Variants in PPM1A observed in about 807,000 individuals in gnomAD.
PPM1A encodes protein phosphatase 1A.
A neutral mutation model predicts 35.0 loss-of-function variants in PPM1A; 7 were observed. That is an observed-to-expected ratio of 0.20 (90% CI 0.11 to 0.38). The LOEUF is 0.38. PPM1A is among the 10% of genes least tolerant of loss of function. The pLI is 1.00. For synonymous variants in PPM1A, 153 were observed against 167.3 expected (o/e 0.91, Z 0.66); for missense variants, 239 against 467.8 (o/e 0.51, Z 4.51).
chr14:60,246,766 T>C (rs1881809671), upstream of PPM1A, among the ~76,000 whole-genome samples: 1 of 152,244 alleles, frequency 6.6e-6, no homozygotes, highest in South Asian at 2.1e-4. Context: ...ATGAGTTTCC[T>C]AGTTCATACC....
At chr14:60,255,953 C>T (rs1200567310) in intron 1 of PPM1A, among the ~76,000 whole-genome samples, 2 of 151,960 alleles carry the variant, frequency 1.3e-5, no homozygotes, top group Non-Finnish European at 2.9e-5. Flanking sequence ...GTCCTTTTAA[C>T]CAGAGAGGAA....
At chr14:60,286,796 C>T (rs753477328) in intron 3 of PPM1A, 107 of 981,168 alleles carry the variant, frequency 1.1e-4, no homozygotes, top group Non-Finnish European at 1.2e-4. Flanking sequence ...TATTGCTGTC[C>T]GCCACTTGAT....
chr14:60,247,916 A>G (rs978751648), upstream of PPM1A, among the ~76,000 whole-genome samples: 6 of 152,216 alleles, frequency 3.9e-5, no homozygotes, highest in Admixed American at 3.3e-4. Context: ...CAATTTGGCC[A>G]GTAAAAGAAC....
Position 60,296,735 on chromosome 14 carries a change from A to G in PPM1A, c.*4253A>G. The G allele has an allele frequency of 5.7e-6, 2 of 349,290 alleles. No homozygotes were observed. Among genetic ancestry groups the G allele is most frequent in the African/African-American group, 4.2e-5 (2 of 47,812 alleles). 21.6% of individuals were successfully genotyped at this position (349,290 alleles called of 1,614,324 possible). A position where few individuals can be genotyped will look rare whatever the true frequency, so the allele number is the denominator to read the frequency against. On this transcript the variant is annotated 3_prime_UTR_variant, in exon 6 of 6. Transcript: ENST00000395076. The surrounding 1 kb of genome is among the most constrained non-coding windows in gnomAD (Gnocchi z 4.4). ...ACATTTTCAAAATGTATAATACTGT[A>G]TTGTTTTGTTGATCAGAATAATAAG...
At chr14:60,271,973 C>T (rs925977036) in intron 1 of PPM1A, among the ~76,000 whole-genome samples, 3 of 151,476 alleles carry the variant, frequency 2.0e-5, no homozygotes, top group African/African-American at 4.9e-5. Flanking sequence ...AGCCAAAGGA[C>T]TTGTCCAGTA....
At chr14:60,284,718 TATAC>T (rs1378611927) in intron 2 of PPM1A, among the ~76,000 whole-genome samples, 1 of 143,420 alleles carries the variant, frequency 7.0e-6, no homozygotes, top group Non-Finnish European at 1.5e-5. Flanking sequence ...TATATATATA[TATAC>T]ATATATATAT....
intron 4 of PPM1A, 60 bp from the exon 5 acceptor site, chr14:60,291,337 A>G (rs1215885607): frequency 9.4e-6 from 11 of 1,174,668 alleles, no homozygotes; most frequent in Non-Finnish European, 1.3e-5. Context: ...CCTGGCTATG[A>G]GTTACTAAGC....
At position 60,282,600 on chromosome 14, in the gene PPM1A, C is replaced by G; in HGVS notation, c.-20-84C>G. On this transcript the variant is annotated intron_variant, in intron 1 of 5. Transcript: ENST00000395076. The surrounding 1 kb of genome is among the most constrained non-coding windows in gnomAD (Gnocchi z 5.1). ...TCGCGAGTTGTGAATTCCCGCATATCTCTTTCACTTATTAAAAAGATTGTT... is the reference window on the plus strand; with the variant it reads ...TCGCGAGTTGTGAATTCCCGCATATGTCTTTCACTTATTAAAAAGATTGTT... 6.7e-7 allele frequency: 1 copy of G among 1,496,468 alleles called. No individual in the cohort carries two copies. Among genetic ancestry groups the G allele is most frequent in the African/African-American group, 1.4e-5 (1 of 71,768 alleles). 92.7% of individuals were successfully genotyped at this position (1,496,468 alleles called of 1,614,324 possible).
rs1457498955 is a variant in PPM1A at position 60,249,749 on chromosome 14, G to A, written c.-21+72G>A. The A allele has an allele frequency of 1.3e-5, 12 of 923,218 alleles. No individual in the cohort carries two copies. The highest frequency in any genetic ancestry group is 1.6e-5 in the Non-Finnish European group (12 of 773,790). The allele number at this position is 923,218 out of a possible 1,614,324, so 57.2% of individuals were successfully genotyped here. A position where few individuals can be genotyped will look rare whatever the true frequency, so the allele number is the denominator to read the frequency against. ...CCTGCGCGGCGGCGGCGGCGGGCAG[G>A]CCTGGGGCCTGTAAACAAGCCGGGC... On this transcript the variant is annotated intron_variant, in intron 1 of 5. Transcript: ENST00000395076. This position sits in a 1 kb window ranked among gnomAD's most constrained non-coding sequence, Gnocchi z 4.5.
chr14:60,248,606 G>C (rs1277085845), upstream of PPM1A: 1 of 152,446 alleles, frequency 6.6e-6, no homozygotes, highest in African/African-American at 2.4e-5. Flanking sequence ...TGGGACTCTG[G>C]GGTAGGGGGG....
chr14:60,265,891 C>T (rs11158281), intron 1 of PPM1A, among the ~76,000 whole-genome samples: 53,534 of 152,086 alleles, frequency 0.35, 10,146 homozygotes, highest in African/African-American at 0.49. Context: ...TATGGACTCA[C>T]TGGTTATTAC....
chr14:60,275,251 C>T (rs1306153553), intron 1 of PPM1A, among the ~76,000 whole-genome samples: 2 of 151,498 alleles, frequency 1.3e-5, no homozygotes, highest in African/African-American at 2.4e-5. Context: ...TTCATTACCT[C>T]ATTTGCAAGG....
At position 60,285,640 on chromosome 14, in the gene PPM1A, T is replaced by C; in HGVS notation, c.851T>C (p.Met284Thr). ...TCLYKGSRDNMSVILICFPNA... is the reference protein window; with the variant it reads ...TCLYKGSRDNTSVILICFPNA... ...TCTTCCCAGGGAAGTCGAGACAACA[T>C]GAGTGTGATTTTGATCTGTTTTCCA... The change falls in exon 3 of 6, where the codon ATG (methionine) becomes ACG (threonine). Residue 284 changes from methionine (M) to threonine (T), a missense_variant. Met to Thr is a moderately conservative substitution (Grantham distance 81). Coordinates refer to ENST00000395076, the MANE Select transcript of PPM1A (RefSeq NM_021003.5). 6.2e-7 allele frequency: 1 copy of C among 1,613,448 alleles called. No homozygotes were observed. Among genetic ancestry groups the C allele is most frequent in the Non-Finnish European group, 8.5e-7 (1 of 1,179,712 alleles).
At chr14:60,284,597 G>A (rs954130117) in intron 2 of PPM1A, among the ~76,000 whole-genome samples, 3 of 149,122 alleles carry the variant, frequency 2.0e-5, no homozygotes, top group Admixed American at 1.3e-4. Flanking sequence ...AGCCGAGATC[G>A]CGCCACTGCA....
Position 60,296,824 on chromosome 14 carries a change from G to C in PPM1A, c.*4342G>C, listed in dbSNP as rs1888095927. 6.2e-6 allele frequency: 2 copies of C among 320,318 alleles called. No individual in the cohort carries two copies. The highest frequency in any genetic ancestry group is 1.2e-5 in the Non-Finnish European group (2 of 173,222). 19.8% of individuals were successfully genotyped at this position (320,318 alleles called of 1,614,324 possible). A position where few individuals can be genotyped will look rare whatever the true frequency, so the allele number is the denominator to read the frequency against. On this transcript the variant is annotated 3_prime_UTR_variant, in exon 6 of 6. Transcript: ENST00000395076. This position sits in a 1 kb window ranked among gnomAD's most constrained non-coding sequence, Gnocchi z 4.4. Reference sequence around the variant, plus strand: ...CTCAATAGAAATGATGAGAGGCATTGGTTCCAATTCATTGTCAAATGAACG... The same window carrying C: ...CTCAATAGAAATGATGAGAGGCATTCGTTCCAATTCATTGTCAAATGAACG...
intron 1 of PPM1A, among the ~76,000 whole-genome samples, chr14:60,265,244 C>G (rs1484303475): frequency 1.3e-5 from 2 of 152,206 alleles, no homozygotes; most frequent in Non-Finnish European, 2.9e-5. Flanking sequence ...TTCATCTAAA[C>G]CGTAGCCCCA....
At chr14:60,288,253 CAA>C (rs1402658381) in intron 3 of PPM1A, 2 of 967,290 alleles carry the variant, frequency 2.1e-6, no homozygotes. Flanking sequence ...TATATTTTAA[CAA>C]AAGAGATGTA....
chr14:60,246,140 G>A (rs1002382424), upstream of PPM1A: 2 of 1,240,200 alleles, frequency 1.6e-6, no homozygotes, highest in African/African-American at 1.5e-5. Context: ...GATGGTGAGG[G>A]GTATTCTCAA....
At chr14:60,255,407 G>A (rs1003670278) in intron 1 of PPM1A, among the ~76,000 whole-genome samples, 1 of 151,782 alleles carries the variant, frequency 6.6e-6, no homozygotes, top group African/African-American at 2.4e-5. Context: ...TCCTGACCTC[G>A]TGATCCGCCC....
Sources: gnomAD v4.1 joint callset for allele counts (sites outside exome capture counted in the v4.1 genomes callset) on GRCh38, gnomAD v4.1.1 for gene constraint, Gnocchi (gnomAD v3.1) non-coding constraint, MANE v1.5 for transcripts, NCBI Gene and HGNC (gene_info 2026-07-23, HGNC 2026-07-21) for gene names.